Variants in PCDHA3 observed in about 807,000 individuals in gnomAD.
PCDHA3 encodes protocadherin alpha 3.
Under a neutral mutation model 62.2 loss-of-function variants are expected in PCDHA3, and 41 were observed. The observed-to-expected ratio is 0.66, with a 90% CI of 0.51 to 0.86. The LOEUF (loss-of-function observed/expected upper bound fraction) is 0.86, where lower values mean the gene tolerates loss of function less well. PCDHA3 is among the 40% of genes least tolerant of loss of function. The pLI is 0.00. For missense variants in PCDHA3, 1,304 were observed against 1,241.2 expected, an observed-to-expected ratio of 1.05 and a Z score of -0.76; for synonymous variants, 640 against 555.4, an observed-to-expected ratio of 1.15 and a Z score of -2.14.
chr5:140,859,624 G>A (rs11749013), intron 1 of PCDHA3: 1 of 160,568 alleles, frequency 6.2e-6, no homozygotes, highest in Non-Finnish European at 1.4e-5. Flanking sequence ...TTCTCTTTGA[G>A]TATGGAGATT....
chr5:140,981,456 C>G (rs2096933076), intron 2 of PCDHA3, among the ~76,000 whole-genome samples: 1 of 152,054 alleles, frequency 6.6e-6, no homozygotes, highest in African/African-American at 2.4e-5. Flanking sequence ...TGCCTGTAGT[C>G]CCAGCTACTT....
chr5:140,871,158 C>G (rs2052764728), intron 1 of PCDHA3: 20 of 1,613,444 alleles, frequency 1.2e-5, no homozygotes, highest in Non-Finnish European at 1.6e-5. Flanking sequence ...TGGCGGGCGC[C>G]GCGAGCCCAG....
chr5:140,842,466 A>C, intron 1 of PCDHA3: 1 of 1,613,912 alleles, frequency 6.2e-7, no homozygotes, highest in Non-Finnish European at 8.5e-7. Context: ...TCAGGTGCCA[A>C]CGGGCAGGTG....
At chr5:140,876,938 T>C in intron 1 of PCDHA3, 1 of 1,613,716 alleles carries the variant, frequency 6.2e-7, no homozygotes, top group East Asian at 2.2e-5. Context: ...AAGAACGCGC[T>C]GGTGTCCTAC....
intron 1 of PCDHA3, chr5:140,825,356 T>G (rs1768522670): frequency 6.8e-6 from 1 of 147,500 alleles, no homozygotes. Context: ...CTAATATATA[T>G]TAGATATATA....
At chr5:140,927,189 G>T in intron 1 of PCDHA3, 1 of 1,614,150 alleles carries the variant, frequency 6.2e-7, no homozygotes. Flanking sequence ...CCTACGACCT[G>T]GTGCTCGAGG....
intron 3 of PCDHA3, among the ~76,000 whole-genome samples, chr5:140,999,698 T>C (rs903538308): frequency 2.0e-5 from 3 of 152,192 alleles, no homozygotes; most frequent in Non-Finnish European, 4.4e-5. Flanking sequence ...ATGTGATTTT[T>C]TTTTAGCTAA....
chr5:140,994,550 T>A (rs1554254228), intron 3 of PCDHA3, among the ~76,000 whole-genome samples: 1 of 151,060 alleles, frequency 6.6e-6, no homozygotes, highest in Non-Finnish European at 1.5e-5. Context: ...AAAAAAAATA[T>A]AAAAATTAGC....
intron 1 of PCDHA3, among the ~76,000 whole-genome samples, chr5:140,905,958 G>C (rs1554192269): frequency 6.6e-6 from 1 of 152,184 alleles, no homozygotes; most frequent in African/African-American, 2.4e-5. Context: ...GATGTTCAAG[G>C]GGAGGAAGAT....
At chr5:140,852,855 T>C in intron 1 of PCDHA3, 1 of 964,490 alleles carries the variant, frequency 1.0e-6, no homozygotes, top group Non-Finnish European at 1.3e-6. Flanking sequence ...TTACTAAGCA[T>C]TTACTATGTC....
At chr5:140,902,668 G>C (rs1385644848) in intron 1 of PCDHA3, among the ~76,000 whole-genome samples, 3 of 152,126 alleles carry the variant, frequency 2.0e-5, no homozygotes, top group African/African-American at 7.2e-5. Context: ...CACCCAAGCA[G>C]TGTACACCGT....
intron 1 of PCDHA3, among the ~76,000 whole-genome samples, chr5:140,950,272 CT>C (rs373882606): frequency 7.9e-5 from 12 of 151,950 alleles, no homozygotes; most frequent in African/African-American, 2.9e-4. Flanking sequence ...TCCATAATGT[CT>C]TTTTGCTTCA....
chr5:140,848,406 G>C, intron 1 of PCDHA3: 2 of 1,338,990 alleles, frequency 1.5e-6, no homozygotes, highest in Admixed American at 4.3e-5. Context: ...GAACGATGGC[G>C]AACACAGCAG....
intron 3 of PCDHA3, among the ~76,000 whole-genome samples, chr5:140,993,460 T>TCA (rs1554253699): frequency 1.6e-3 from 169 of 104,560 alleles, no homozygotes; most frequent in African/African-American, 3.8e-3. Flanking sequence ...CTTCTTTCTT[T>TCA]CTCACACACA....
intron 1 of PCDHA3, chr5:140,841,412 C>T (rs2150314878): frequency 6.2e-7 from 1 of 1,613,052 alleles, no homozygotes; most frequent in Admixed American, 1.7e-5. Context: ...GAGCGGCCAG[C>T]TCCACTACTC....
At chr5:140,842,005 G>A (rs1777641474) in intron 1 of PCDHA3, 2 of 1,613,756 alleles carry the variant, frequency 1.2e-6, no homozygotes, top group Non-Finnish European at 1.7e-6. Context: ...CTGTTCAGCT[G>A]CTGGTCACAG....
At chr5:140,907,229 A>C (rs1562959472) in intron 1 of PCDHA3, among the ~76,000 whole-genome samples, 1 of 152,180 alleles carries the variant, frequency 6.6e-6, no homozygotes, top group Non-Finnish European at 1.5e-5. Flanking sequence ...AAGTATTGTC[A>C]CCTAGTTGAC....
rs202184948 is a variant in PCDHA3 at position 140,888,065 on chromosome 5, T to C, written c.2394+84474T>C. 4.6e-5 allele frequency among the ~76,000 whole-genome samples: 7 copies of C among 152,338 alleles called. No homozygotes were observed. The East Asian group carries it at 5.8e-4, about 13-fold the overall frequency. On this transcript the variant is annotated intron_variant, in intron 1 of 3. Transcript: ENST00000522353. Reference sequence around the variant, plus strand: ...TATAATAGATGTTTTAACTTTCTTGTCTGCTAATTTCAACATTTTTGTCCT... The same window carrying C: ...TATAATAGATGTTTTAACTTTCTTGCCTGCTAATTTCAACATTTTTGTCCT...
Position 140,979,960 on chromosome 5 carries a change from C to T in PCDHA3, c.2453+953C>T, listed in dbSNP as rs2096871601. 2.0e-5 allele frequency among the ~76,000 whole-genome samples: 3 copies of T among 152,266 alleles called. No homozygotes were observed. The South Asian group carries it at 6.2e-4, about 32-fold the overall frequency. ...AGAGTTAATGTGAAATTAGTTTTAG[C>T]CCATTAAAATGCATTAGATTGAAAT... On this transcript the variant is annotated intron_variant, in intron 2 of 3. Coordinates refer to ENST00000522353, the MANE Select transcript of PCDHA3 (RefSeq NM_018906.3).
Sources: allele counts gnomAD v4.1 joint callset (sites outside exome capture counted in the v4.1 genomes callset), GRCh38; gene constraint gnomAD v4.1.1; transcripts MANE v1.5; gene names NCBI Gene and HGNC (gene_info 2026-07-23, HGNC 2026-07-21).